The following SORCS3 variants were observed in gnomAD, a reference collection of about 807,000 sequenced individuals.
SORCS3 encodes the protein sortilin related VPS10 domain containing receptor 3.
In SORCS3, 57 loss-of-function variants were observed where a neutral mutation model predicts 146.3. The observed-to-expected ratio is 0.39, with a 90% CI of 0.31 to 0.49. The LOEUF is 0.49. SORCS3 is among the 20% of genes least tolerant of loss of function. The pLI is 0.92. For missense variants in SORCS3, 1,341 were observed against 1,575.5 expected, an observed-to-expected ratio of 0.85 and a Z score of 2.52; for synonymous variants, 653 against 618.5, an observed-to-expected ratio of 1.06 and a Z score of -0.83.
chr10:105,090,439 T>TG (rs2055694137), intron 6 of SORCS3, among the ~76,000 whole-genome samples: 1 of 152,200 alleles, frequency 6.6e-6, no homozygotes, highest in Admixed American at 6.5e-5. Context: ...GCTGTGTACT[T>TG]CTTACACAAA....
chr10:104,682,886 C>T (rs1408751746), intron 1 of SORCS3, among the ~76,000 whole-genome samples: 1 of 152,142 alleles, frequency 6.6e-6, no homozygotes, highest in Admixed American at 6.6e-5. Context: ...ATGCAGCAGC[C>T]CCTGAAGCTC....
intron 7 of SORCS3, among the ~76,000 whole-genome samples, chr10:105,125,710 A>ACACACACACACACAC (rs1564761153): frequency 1.2e-4 from 3 of 24,090 alleles, no homozygotes; most frequent in African/African-American, 8.8e-4. Context: ...CACACACACA[A>ACACACACACACACAC]AACAGGCAGC....
intron 14 of SORCS3, among the ~76,000 whole-genome samples, chr10:105,179,028 A>G (rs1308760527): frequency 6.6e-6 from 1 of 152,172 alleles, no homozygotes; most frequent in Non-Finnish European, 1.5e-5. Context: ...AGTTTGAATT[A>G]GTCTTTTTCC....
chr10:104,875,199 A>C (rs2018559111), intron 2 of SORCS3, among the ~76,000 whole-genome samples: 1 of 152,196 alleles, frequency 6.6e-6, no homozygotes, highest in Admixed American at 6.5e-5. Context: ...AGATATTTCC[A>C]AGCCAAGAGT....
intron 3 of SORCS3, among the ~76,000 whole-genome samples, chr10:104,951,520 T>G (rs1432716880): frequency 6.6e-6 from 1 of 152,020 alleles, no homozygotes; most frequent in African/African-American, 2.4e-5. Context: ...TTTTTGTTTT[T>G]GTTTTTAGAG....
Position 105,167,230 on chromosome 10 carries a change from ATTGTTGTTGTTG to A in SORCS3, c.1810-16_1810-5del. The A allele has an allele frequency of 6.7e-7, 1 of 1,485,334 alleles. No individual in the cohort carries two copies. The highest frequency in any genetic ancestry group is 1.1e-5 in the South Asian group (1 of 87,708). 92.0% of individuals were successfully genotyped at this position (1,485,334 alleles called of 1,614,324 possible). Reference sequence around the variant, plus strand: ...TATGCAAATGTAAGGTGTTGCTATGATTGTTGTTGTTGTTGTTGTTGTTCCAGATCTTTGATG... The same window carrying A: ...TATGCAAATGTAAGGTGTTGCTATGATTGTTGTTGTTCCAGATCTTTGATG... On this transcript the variant is annotated splice_polypyrimidine_tract_variant and intron_variant, in intron 12 of 26. Coordinates refer to ENST00000369701, the MANE Select transcript of SORCS3 (RefSeq NM_014978.3).
chr10:105,065,857 C>G (rs1226858169), intron 5 of SORCS3, among the ~76,000 whole-genome samples: 1 of 152,144 alleles, frequency 6.6e-6, no homozygotes, highest in East Asian at 1.9e-4. Flanking sequence ...TTGTTCTTTC[C>G]TAATCCATTT....
chr10:104,896,769 A>G (rs182871043), intron 2 of SORCS3, among the ~76,000 whole-genome samples: 1 of 152,382 alleles, frequency 6.6e-6, no homozygotes, highest in Admixed American at 6.5e-5. Context: ...AGTGTCCAGA[A>G]ATAACATTTG....
chr10:104,913,383 T>A (rs2018990304), intron 2 of SORCS3, among the ~76,000 whole-genome samples: 1 of 152,224 alleles, frequency 6.6e-6, no homozygotes, highest in Non-Finnish European at 1.5e-5. Flanking sequence ...AAGAGTGATC[T>A]GCGTTGTAGA....
In SORCS3 at chr10:105,201,189, G is replaced by A. The variant is rs1455878496; in HGVS notation, c.2197G>A (p.Gly733Ser). ...KRKPGAQCAL[G>S]RDHSGSVVSE... ...TAAGCCAGGAGCTCAGTGTGCCCTG[G>A]GCCGAGACCACTCAGGATCAGTGGT... Residue 733 changes from glycine to serine, a missense_variant, in exon 16 of 27, where the codon GGC becomes AGC. Transcript: ENST00000369701. 6.2e-7 allele frequency: 1 copy of A among 1,612,148 alleles called. No individual in the cohort carries two copies. The highest frequency in any genetic ancestry group is 1.7e-5 in the Admixed American group (1 of 59,770).
chr10:105,119,109 T>C (rs2055913189), intron 7 of SORCS3, among the ~76,000 whole-genome samples: 2 of 152,180 alleles, frequency 1.3e-5, no homozygotes, highest in Non-Finnish European at 2.9e-5. Flanking sequence ...CCCCCTGCTG[T>C]GTGCAGCCTG....
chr10:104,898,240 C>T (rs2018818562), intron 2 of SORCS3, among the ~76,000 whole-genome samples: 1 of 152,196 alleles, frequency 6.6e-6, no homozygotes, highest in Non-Finnish European at 1.5e-5. Flanking sequence ...GTAAAAATAT[C>T]TATCTTATTA....
intron 1 of SORCS3, among the ~76,000 whole-genome samples, chr10:104,686,151 A>G (rs945644116): frequency 1.3e-5 from 2 of 152,006 alleles, no homozygotes; most frequent in Non-Finnish European, 2.9e-5. Context: ...CACCATCACT[A>G]TCTCTGCGGT....
At chr10:104,687,712 G>A (rs959279704) in intron 1 of SORCS3, among the ~76,000 whole-genome samples, 3 of 152,268 alleles carry the variant, frequency 2.0e-5, no homozygotes, top group African/African-American at 7.2e-5. Context: ...TCCACTGCCT[G>A]TCAAGAGGGT....
chr10:105,107,345 G>A lies in SORCS3; in HGVS notation c.1212+1830G>A, dbSNP rs139392894. On this transcript the variant is annotated intron_variant, in intron 7 of 26. Coordinates refer to ENST00000369701, the MANE Select transcript of SORCS3 (RefSeq NM_014978.3). ...TTTTTTTTTTTACAGTGGAAGCACAGGAGTGAGTTATGAATTTACCAGTCG... is the reference window on the plus strand; with the variant it reads ...TTTTTTTTTTTACAGTGGAAGCACAAGAGTGAGTTATGAATTTACCAGTCG... Among the ~76,000 whole-genome samples the A allele has an allele frequency of 4.9e-4, 73 of 149,222 alleles. 1 individual carries two copies. In the East Asian group the frequency reaches 9.6e-3, roughly 20 times the overall value.
chr10:105,153,951 T>A (rs1156625461), intron 9 of SORCS3, among the ~76,000 whole-genome samples: 1 of 148,864 alleles, frequency 6.7e-6, no homozygotes, highest in Non-Finnish European at 1.5e-5. Flanking sequence ...TCACCTATAA[T>A]CCCAGCCACT....
chr10:105,101,124 G>A (rs2055781629), intron 6 of SORCS3, among the ~76,000 whole-genome samples: 1 of 152,316 alleles, frequency 6.6e-6, no homozygotes, highest in Middle Eastern at 3.4e-3. Flanking sequence ...GGCCACACTT[G>A]TTGGAAGCCT....
chr10:104,786,157 G>C (rs750863099), intron 1 of SORCS3, among the ~76,000 whole-genome samples: 1 of 151,716 alleles, frequency 6.6e-6, no homozygotes, highest in Admixed American at 6.6e-5. Flanking sequence ...TTTATTTAGC[G>C]CTTATTTAGT....
chr10:105,237,926 A>C (rs1320590433), intron 20 of SORCS3, among the ~76,000 whole-genome samples: 1 of 152,204 alleles, frequency 6.6e-6, no homozygotes, highest in Non-Finnish European at 1.5e-5. Flanking sequence ...TAAGTAGTTA[A>C]ATTAAATCAT....
Sources: gnomAD v4.1 joint callset for allele counts (sites outside exome capture counted in the v4.1 genomes callset) on GRCh38, gnomAD v4.1.1 for gene constraint, MANE v1.5 for transcripts, NCBI Gene and HGNC (gene_info 2026-07-23, HGNC 2026-07-21) for gene names.